The following COLEC12 variants were observed in gnomAD, a reference collection of about 807,000 sequenced individuals.
COLEC12 encodes the protein collectin subfamily member 12.
Under a neutral mutation model 71.1 loss-of-function variants are expected in COLEC12, and 33 were observed. That is an observed-to-expected ratio of 0.46 (90% CI 0.35 to 0.62). The LOEUF is 0.62. Ranked by LOEUF, COLEC12 falls within the 20% of genes least tolerant of loss-of-function variation. The probability of loss-of-function intolerance (pLI) is 0.00; values close to 1 mark genes in which losing one functional copy is unlikely to be tolerated. For missense variants in COLEC12, 765 were observed against 916.1 expected (o/e 0.84, Z 2.13); for synonymous variants, 350 against 353.0 (o/e 0.99, Z 0.10).
At chr18:410,875 C>T (rs1299536661) in intron 2 of COLEC12, among the ~76,000 whole-genome samples, 5 of 152,164 alleles carry the variant, frequency 3.3e-5, no homozygotes, top group Non-Finnish European at 7.4e-5. Flanking sequence ...AAATGCTCAA[C>T]ACCAGCCAAA....
At chr18:347,383 G>T (rs1598333430) in intron 4 of COLEC12, 42 bp from the exon 5 acceptor site, 1 of 1,541,688 alleles carries the variant, frequency 6.5e-7, no homozygotes, top group Non-Finnish European at 8.9e-7. Context: ...GTGGTATGGA[G>T]AAGTGTTCAG....
At chr18:420,363 C>T (rs1238036399) in intron 2 of COLEC12, among the ~76,000 whole-genome samples, 2 of 152,124 alleles carry the variant, frequency 1.3e-5, no homozygotes, top group East Asian at 3.8e-4. Context: ...GCTATAGCTG[C>T]AGTGAGAAAT....
chr18:331,572 G>T, intron 8 of COLEC12, 96 bp downstream of exon 8: 1 of 755,622 alleles, frequency 1.3e-6, no homozygotes, highest in South Asian at 1.7e-5. Flanking sequence ...TCTAGGACAC[G>T]AGGTCATTAA....
chr18:356,951 A>T (rs950506796), intron 3 of COLEC12, among the ~76,000 whole-genome samples: 2 of 152,220 alleles, frequency 1.3e-5, no homozygotes, highest in African/African-American at 4.8e-5. Context: ...CTGCAGAGAA[A>T]AAAGGGAATT....
intron 2 of COLEC12, among the ~76,000 whole-genome samples, chr18:379,736 G>A (rs965327305): frequency 1.4e-4 from 22 of 152,096 alleles, no homozygotes; most frequent in Admixed American, 6.5e-4. Context: ...ATGATGGTTC[G>A]GTCGAGAAAG....
rs750227962 is a variant in COLEC12 at position 334,848 on chromosome 18, T to C, written c.1710A>G (p.Val570=). ...GGCCCTTGGGGCCTGGCATGCCTGGTACCCCAGGCAAGCCTGGCAGTCCCC... is the reference window on the plus strand; with the variant it reads ...GGCCCTTGGGGCCTGGCATGCCTGGCACCCCAGGCAAGCCTGGCAGTCCCC... ...GPRGLPGLPG[V]PGMPGPKGPP... Residue 570 remains valine, a synonymous_variant, in exon 6 of 10, where the codon GTA becomes GTG. Transcript: ENST00000400256. 15 of 1,526,056 alleles carry C rather than the reference T, an allele frequency of 9.8e-6. No individual in the cohort carries two copies. Among genetic ancestry groups the C allele is most frequent in the Admixed American group, 2.6e-5 (1 of 39,176 alleles). The allele number at this position is 1,526,056 out of a possible 1,614,324, so 94.5% of individuals were successfully genotyped here. A position where few individuals can be genotyped will look rare whatever the true frequency, so the allele number is the denominator to read the frequency against.
chr18:487,181 C>A (rs1392990653), intron 1 of COLEC12, among the ~76,000 whole-genome samples: 5 of 152,134 alleles, frequency 3.3e-5, no homozygotes, highest in Admixed American at 6.5e-5. Context: ...AGATAAATCT[C>A]AAAAACATTA....
intron 2 of COLEC12, among the ~76,000 whole-genome samples, chr18:406,440 C>T (rs556878156): frequency 6.8e-4 from 89 of 130,868 alleles, no homozygotes; most frequent in African/African-American, 2.4e-3. Flanking sequence ...ACCCGGGAAG[C>T]GGAGCTTGCA....
At chr18:446,534 T>C (rs1025017570) in intron 2 of COLEC12, among the ~76,000 whole-genome samples, 11 of 131,016 alleles carry the variant, frequency 8.4e-5, no homozygotes, top group Non-Finnish European at 1.6e-4. Flanking sequence ...AGACCCTATC[T>C]CTGTAAAAAA....
Position 408,796 on chromosome 18 carries a change from C to T in COLEC12, c.59-51274G>A, listed in dbSNP as rs565428838. Among the ~76,000 whole-genome samples the T allele has an allele frequency of 2.6e-5, 4 of 152,126 alleles. No homozygotes were observed. The highest frequency in any genetic ancestry group is 2.1e-4 in the South Asian group (1 of 4,808). ...TAAAATAGGATTGAACTGCCTAATT[C>T]AGAAATGATTGTGTACCATACTTAT... On this transcript the variant is annotated intron_variant, in intron 2 of 9. Coordinates refer to ENST00000400256, the MANE Select transcript of COLEC12 (RefSeq NM_130386.3). This position sits in a 1 kb window ranked among gnomAD's most constrained non-coding sequence, Gnocchi z 4.3.
At chr18:417,249 C>A (rs929384445) in intron 2 of COLEC12, among the ~76,000 whole-genome samples, 1 of 152,086 alleles carries the variant, frequency 6.6e-6, no homozygotes, top group Non-Finnish European at 1.5e-5. Context: ...CTGTAAGCAA[C>A]TGTAACACAA....
At chr18:368,046 A>T (rs1281240559) in intron 2 of COLEC12, among the ~76,000 whole-genome samples, 1 of 152,248 alleles carries the variant, frequency 6.6e-6, no homozygotes. Flanking sequence ...AAAATGAAAA[A>T]CCATTAAACA....
chr18:351,049 C>CA (rs1343050325), intron 3 of COLEC12, among the ~76,000 whole-genome samples: 1 of 151,740 alleles, frequency 6.6e-6, no homozygotes, highest in Non-Finnish European at 1.5e-5. Flanking sequence ...GTATTCATCA[C>CA]ATGTTCTACC....
chr18:427,226 T>G (rs1916214295), intron 2 of COLEC12, among the ~76,000 whole-genome samples: 1 of 152,206 alleles, frequency 6.6e-6, no homozygotes. Context: ...CAGCATGATG[T>G]GAGGCGAGCC....
intron 1 of COLEC12, among the ~76,000 whole-genome samples, chr18:490,876 G>A (rs1352864348): frequency 1.3e-5 from 2 of 152,262 alleles, no homozygotes; most frequent in African/African-American, 4.8e-5. Flanking sequence ...CTAGGCTGAA[G>A]TTAGACTTCT....
chr18:450,493 C>T (rs554742090), intron 2 of COLEC12, among the ~76,000 whole-genome samples: 6 of 152,280 alleles, frequency 3.9e-5, no homozygotes, highest in Non-Finnish European at 8.8e-5. Flanking sequence ...TGCCTGCTTC[C>T]CCTTCACCTT....
intron 2 of COLEC12, among the ~76,000 whole-genome samples, chr18:400,698 T>G (rs1278623046): frequency 1.3e-5 from 2 of 152,210 alleles, no homozygotes; most frequent in Non-Finnish European, 2.9e-5. Flanking sequence ...TGTTTATGAC[T>G]GTTGGAATGT....
At chr18:392,547 C>A (rs1341783521) in intron 2 of COLEC12, among the ~76,000 whole-genome samples, 1 of 152,180 alleles carries the variant, frequency 6.6e-6, no homozygotes, top group Non-Finnish European at 1.5e-5. Flanking sequence ...TCTTTTAGCC[C>A]CCATTTCAGA....
At chr18:464,628 T>C (rs1458473469) in intron 2 of COLEC12, among the ~76,000 whole-genome samples, 1 of 152,192 alleles carries the variant, frequency 6.6e-6, no homozygotes, top group African/African-American at 2.4e-5. Context: ...CTTTCAAGCA[T>C]TTCTCAAACT....
Sources: allele counts gnomAD v4.1 joint callset (sites outside exome capture counted in the v4.1 genomes callset), GRCh38; gene constraint gnomAD v4.1.1; non-coding constraint Gnocchi (gnomAD v3.1); transcripts MANE v1.5; gene names NCBI Gene and HGNC (gene_info 2026-07-23, HGNC 2026-07-21).